The following EYS variants were observed in gnomAD, a reference collection of about 807,000 sequenced individuals.
EYS encodes the protein protein eyes shut homolog.
EYS carries 250 observed loss-of-function variants against 282.1 expected under a neutral mutation model. The observed-to-expected ratio is 0.89, with a 90% CI of 0.80 to 0.98. The LOEUF (loss-of-function observed/expected upper bound fraction) is 0.98, where lower values mean the gene tolerates loss of function less well. Ranked by LOEUF, EYS falls within the 50% of genes least tolerant of loss-of-function variation. The pLI, the probability that EYS is intolerant of heterozygous loss-of-function variation, is 0.00. For synonymous variants in EYS, 1,355 were observed against 1,282.9 expected (o/e 1.06, Z -1.20); for missense variants, 4,016 against 3,709.0 (o/e 1.08, Z -2.15).
intron 11 of EYS, among the ~76,000 whole-genome samples, chr6:65,305,850 T>G (rs1350940092): frequency 2.6e-5 from 4 of 152,156 alleles, no homozygotes; most frequent in Non-Finnish European, 5.9e-5. Context: ...ATTTATGTGG[T>G]GGCCTTTAAC....
chr6:64,980,178 A>T (rs1487920934), intron 14 of EYS, among the ~76,000 whole-genome samples: 1 of 151,616 alleles, frequency 6.6e-6, no homozygotes, highest in Admixed American at 6.6e-5. Context: ...TATAAAAAAA[A>T]TGGCAATGCA....
chr6:63,870,153 G>A (rs1299710215), intron 35 of EYS, among the ~76,000 whole-genome samples: 2 of 152,112 alleles, frequency 1.3e-5, no homozygotes, highest in East Asian at 1.9e-4. Context: ...AGCTATTTAA[G>A]GCTAGAAGAG....
At chr6:63,859,218 T>A (rs1195076831) in intron 36 of EYS, among the ~76,000 whole-genome samples, 1 of 151,618 alleles carries the variant, frequency 6.6e-6, no homozygotes, top group East Asian at 1.9e-4. Flanking sequence ...ACAAAAGCAT[T>A]TTCTATATGC....
intron 8 of EYS, among the ~76,000 whole-genome samples, chr6:65,356,294 G>A (rs1764486270): frequency 6.6e-6 from 1 of 151,992 alleles, no homozygotes; most frequent in Non-Finnish European, 1.5e-5. Context: ...GTTCTTGTTT[G>A]TTTGTTTTTT....
chr6:64,442,406 C>A (rs756735539), intron 26 of EYS, among the ~76,000 whole-genome samples: 1 of 152,026 alleles, frequency 6.6e-6, no homozygotes, highest in Non-Finnish European at 1.5e-5. Context: ...CCTGACAATG[C>A]GATAGAAAAG....
At chr6:65,022,734 A>T (rs1216438283) in intron 13 of EYS, among the ~76,000 whole-genome samples, 3 of 150,278 alleles carry the variant, frequency 2.0e-5, no homozygotes, top group Admixed American at 6.7e-5. Context: ...ATGTAATACA[A>T]TTTTATTTTT....
chr6:64,343,579 C>G (rs758098159), intron 29 of EYS, among the ~76,000 whole-genome samples: 10 of 151,616 alleles, frequency 6.6e-5, no homozygotes, highest in African/African-American at 1.7e-4. Context: ...GAAATTTATA[C>G]CACTAAATGC....
intron 11 of EYS, among the ~76,000 whole-genome samples, chr6:65,326,293 C>A (rs552196751): frequency 1.3e-5 from 2 of 151,584 alleles, no homozygotes; most frequent in Non-Finnish European, 2.9e-5. Flanking sequence ...TTTTAGAAAG[C>A]GATAGATTTA....
rs1396087059 is a variant in EYS at position 64,632,019 on chromosome 6, A to G, written c.3444-5774T>C. Among the ~76,000 whole-genome samples the G allele has an allele frequency of 4.6e-5, 7 of 151,668 alleles. No individual in the cohort carries two copies. The South Asian group carries it at 1.5e-3, about 31-fold the overall frequency. ...ATCCCATTTGCTGGGCTTTGATAATATAATTGATAGGATGTAGTTTAATAA... is the reference window on the plus strand; with the variant it reads ...ATCCCATTTGCTGGGCTTTGATAATGTAATTGATAGGATGTAGTTTAATAA... On this transcript the variant is annotated intron_variant, in intron 22 of 42. Transcript: ENST00000503581.
intron 12 of EYS, among the ~76,000 whole-genome samples, chr6:65,114,878 A>T (rs181528793): frequency 6.6e-6 from 1 of 152,016 alleles, no homozygotes; most frequent in African/African-American, 2.4e-5. Flanking sequence ...TACACTATTC[A>T]TCAACTTTTC....
At chr6:65,503,891 T>C (rs1211501153) in intron 2 of EYS, among the ~76,000 whole-genome samples, 1 of 151,626 alleles carries the variant, frequency 6.6e-6, no homozygotes, top group Non-Finnish European at 1.5e-5. Flanking sequence ...TAAGGCAGAG[T>C]GTATTCTCCA....
At chr6:65,636,158 C>T (rs1767080108) in intron 2 of EYS, among the ~76,000 whole-genome samples, 1 of 152,150 alleles carries the variant, frequency 6.6e-6, no homozygotes, top group Non-Finnish European at 1.5e-5. Context: ...TCAGAATGAC[C>T]CAGTAAAACT....
intron 29 of EYS, among the ~76,000 whole-genome samples, chr6:64,339,885 TG>T (rs1003428244): frequency 3.3e-5 from 5 of 151,616 alleles, no homozygotes; most frequent in African/African-American, 1.2e-4. Flanking sequence ...CAGTGGACTT[TG>T]GGGACCTGGC....
chr6:65,397,254 T>G (rs1466620877), intron 7 of EYS, among the ~76,000 whole-genome samples: 1 of 152,026 alleles, frequency 6.6e-6, no homozygotes, highest in Non-Finnish European at 1.5e-5. Flanking sequence ...TTGCTTGTTT[T>G]TTGTTATTTT....
chr6:63,969,230 GC>G, intron 35 of EYS, among the ~76,000 whole-genome samples: 1 of 152,250 alleles, frequency 6.6e-6, no homozygotes, highest in African/African-American at 2.4e-5. Flanking sequence ...AGCATAGTAG[GC>G]TCTCTTTTGA....
chr6:64,517,811 G>T (rs1324092166), intron 26 of EYS, among the ~76,000 whole-genome samples: 1 of 151,732 alleles, frequency 6.6e-6, no homozygotes, highest in African/African-American at 2.4e-5. Flanking sequence ...CACATTATTG[G>T]AGCACCTCAA....
chr6:65,630,311 G>A (rs1480976449), intron 2 of EYS, among the ~76,000 whole-genome samples: 2 of 152,140 alleles, frequency 1.3e-5, no homozygotes, highest in Admixed American at 6.5e-5. Context: ...CTAGATTCAC[G>A]GATTTTAGTT....
intron 15 of EYS, among the ~76,000 whole-genome samples, chr6:64,917,628 T>C (rs993276957): frequency 6.6e-6 from 1 of 152,174 alleles, no homozygotes; most frequent in Admixed American, 6.5e-5. Context: ...CAATTGTACA[T>C]GATCATGACT....
intron 41 of EYS, among the ~76,000 whole-genome samples, chr6:63,746,105 A>C (rs1180121540): frequency 6.6e-6 from 1 of 152,144 alleles, no homozygotes; most frequent in Non-Finnish European, 1.5e-5. Context: ...TTCCATCAGT[A>C]CCTAGTTTAT....
Sources: gnomAD v4.1 joint callset for allele counts (sites outside exome capture counted in the v4.1 genomes callset) on GRCh38, gnomAD v4.1.1 for gene constraint, MANE v1.5 for transcripts, NCBI Gene and HGNC (gene_info 2026-07-23, HGNC 2026-07-21) for gene names.